ATP2B1: variants seen among roughly 807,000 people sequenced by gnomAD.
The protein encoded by ATP2B1 is ATPase plasma membrane Ca2+ transporting 1, also known as plasma membrane calcium-transporting ATPase 1.
Under a neutral mutation model 124.2 loss-of-function variants are expected in ATP2B1, and 14 were observed. That is an observed-to-expected ratio of 0.11 (90% confidence interval 0.07 to 0.18). The LOEUF (loss-of-function observed/expected upper bound fraction) is 0.18, where lower values mean the gene tolerates loss of function less well. ATP2B1 is among the 10% of genes least tolerant of loss of function. The probability of loss-of-function intolerance (pLI) is 1.00; values close to 1 mark genes in which losing one functional copy is unlikely to be tolerated. For synonymous variants in ATP2B1, 449 were observed against 492.4 expected, an observed-to-expected ratio of 0.91 and a Z score of 1.17; for missense variants, 763 against 1,466.1, an observed-to-expected ratio of 0.52 and a Z score of 7.83.
At chr12:89,646,124 A>C (rs1884421400) in intron 2 of ATP2B1, among the ~76,000 whole-genome samples, 2 of 151,986 alleles carry the variant, frequency 1.3e-5, no homozygotes, top group African/African-American at 4.8e-5. Context: ...GTCTTCAAGC[A>C]CTTAAGTGGG....
intron 2 of ATP2B1, among the ~76,000 whole-genome samples, chr12:89,648,626 G>C (rs1372141084): frequency 6.6e-6 from 1 of 152,248 alleles, no homozygotes; most frequent in Non-Finnish European, 1.5e-5. Context: ...CTGTGGTAGA[G>C]AAGGAAAACA....
intron 12 of ATP2B1, among the ~76,000 whole-genome samples, chr12:89,614,482 C>A (rs1878604152): frequency 6.6e-6 from 1 of 152,232 alleles, no homozygotes; most frequent in South Asian, 2.1e-4. Context: ...AATCTCTCAA[C>A]AGGCTGCTGT....
intron 6 of ATP2B1, among the ~76,000 whole-genome samples, chr12:89,628,216 A>G (rs1881220979): frequency 6.6e-6 from 1 of 152,056 alleles, no homozygotes; most frequent in Non-Finnish European, 1.5e-5. Flanking sequence ...CAGCCTGGCC[A>G]ACATGGTGAA....
chr12:89,625,233 T>C (rs1880660434), intron 8 of ATP2B1, among the ~76,000 whole-genome samples: 1 of 150,798 alleles, frequency 6.6e-6, no homozygotes, highest in East Asian at 2.0e-4. Flanking sequence ...ACCACTGCAC[T>C]CCAGCCTGGG....
intron 3 of ATP2B1, among the ~76,000 whole-genome samples, chr12:89,636,072 G>A (rs932198364): frequency 1.3e-5 from 2 of 152,140 alleles, no homozygotes; most frequent in Non-Finnish European, 2.9e-5. Context: ...CTGAGGTTCA[G>A]TGAGCAGAGA....
At position 89,676,012 on chromosome 12, in the gene ATP2B1, T is replaced by C. The variant is rs535676734; in HGVS notation, c.-221-19905A>G. Among the ~76,000 whole-genome samples the C allele has an allele frequency of 8.5e-5, 13 of 152,178 alleles. No homozygotes were observed. The East Asian group carries it at 1.9e-3, about 23-fold the overall frequency. On this transcript the variant is annotated intron_variant, in intron 1 of 20. Coordinates refer to ENST00000428670, the MANE Select transcript of ATP2B1 (RefSeq NM_001366521.1). ...AAATTTGTCATCAAATGTTTCCTCA[T>C]TGGGGGAGGGGGTTAATTATGTCTG...
At chr12:89,648,102 C>T (rs1884746693) in intron 2 of ATP2B1, among the ~76,000 whole-genome samples, 1 of 152,122 alleles carries the variant, frequency 6.6e-6, no homozygotes, top group African/African-American at 2.4e-5. Flanking sequence ...TGAACACACA[C>T]AGAAAATTGG....
chr12:89,675,840 T>C (rs1888540083), intron 1 of ATP2B1, among the ~76,000 whole-genome samples: 1 of 152,196 alleles, frequency 6.6e-6, no homozygotes, highest in Admixed American at 6.5e-5. Context: ...CTACTTTTAC[T>C]GTAAAGTTTC....
chr12:89,680,473 C>T (rs908330531), intron 1 of ATP2B1, among the ~76,000 whole-genome samples: 14 of 151,982 alleles, frequency 9.2e-5, no homozygotes, highest in African/African-American at 2.9e-4. Context: ...TTACAAAATG[C>T]TCATTGGAGA....
intron 3 of ATP2B1, among the ~76,000 whole-genome samples, chr12:89,636,164 G>T (rs1367681244): frequency 6.6e-6 from 1 of 151,836 alleles, no homozygotes; most frequent in Non-Finnish European, 1.5e-5. Flanking sequence ...AAAATCCAGG[G>T]AGAGATTAAA....
intron 20 of ATP2B1, among the ~76,000 whole-genome samples, chr12:89,592,235 A>G (rs1284467044): frequency 6.6e-6 from 1 of 152,056 alleles, no homozygotes; most frequent in African/African-American, 2.4e-5. Flanking sequence ...AAAAAAGGAC[A>G]AAATCCAACT....
chr12:89,644,032 G>C (rs1884058277), intron 2 of ATP2B1, among the ~76,000 whole-genome samples: 1 of 152,164 alleles, frequency 6.6e-6, no homozygotes, highest in Non-Finnish European at 1.5e-5. Flanking sequence ...TGAGGCATGA[G>C]AATCACTTGA....
chr12:89,670,484 C>T (rs923289682), intron 1 of ATP2B1, among the ~76,000 whole-genome samples: 3 of 150,988 alleles, frequency 2.0e-5, no homozygotes, highest in African/African-American at 7.3e-5. Flanking sequence ...AGGCTTATTA[C>T]CTGGGTATAC....
At chr12:89,706,281 T>TA (rs1362226924) in intron 1 of ATP2B1, among the ~76,000 whole-genome samples, 1 of 151,228 alleles carries the variant, frequency 6.6e-6, no homozygotes, top group East Asian at 1.9e-4. Flanking sequence ...TGTAAAACAG[T>TA]AAAATCACAA....
chr12:89,641,832 T>G (rs886590789), intron 3 of ATP2B1: 2 of 179,720 alleles, frequency 1.1e-5, no homozygotes, highest in Non-Finnish European at 2.3e-5. Flanking sequence ...TGAAATTGTT[T>G]CACAGTATAG....
At chr12:89,644,639 A>G (rs1295008121) in intron 2 of ATP2B1, among the ~76,000 whole-genome samples, 1 of 152,206 alleles carries the variant, frequency 6.6e-6, no homozygotes, top group African/African-American at 2.4e-5. Flanking sequence ...GACTGCAGTA[A>G]TAAGGATGAG....
chr12:89,708,139 A>G (rs1892725950), intron 1 of ATP2B1, among the ~76,000 whole-genome samples: 1 of 152,080 alleles, frequency 6.6e-6, no homozygotes, highest in African/African-American at 2.4e-5. Flanking sequence ...TGGGGGGCCG[A>G]GGCCAAGGAT....
At chr12:89,657,379 G>A (rs1186494313) in intron 1 of ATP2B1, among the ~76,000 whole-genome samples, 1 of 152,074 alleles carries the variant, frequency 6.6e-6, no homozygotes, top group South Asian at 2.1e-4. Flanking sequence ...TTTGAAATAG[G>A]CATCATGCCA....
At chr12:89,692,644 T>A (rs967400934) in intron 1 of ATP2B1, among the ~76,000 whole-genome samples, 6 of 152,220 alleles carry the variant, frequency 3.9e-5, no homozygotes, top group African/African-American at 1.4e-4. Context: ...GCAAGCTTGC[T>A]GTTTTTATGA....
Sources: allele counts gnomAD v4.1 joint callset (sites outside exome capture counted in the v4.1 genomes callset), GRCh38; gene constraint gnomAD v4.1.1; transcripts MANE v1.5; gene names NCBI Gene and HGNC (gene_info 2026-07-23, HGNC 2026-07-21).